Variants in CEACAM19 observed in about 807,000 individuals in gnomAD.
CEACAM19 encodes CEA cell adhesion molecule 19, also known as cell adhesion molecule CEACAM19.
Under a neutral mutation model 37.6 loss-of-function variants are expected in CEACAM19, and 37 were observed. The observed-to-expected ratio is 0.98, with a 90% CI of 0.76 to 1.29. The LOEUF is 1.29. Ranked by LOEUF, CEACAM19 falls within the 50% of genes most tolerant of loss-of-function variation. CEACAM19 has a pLI of 0.00. For missense variants in CEACAM19, 340 were observed against 375.6 expected (o/e 0.91, Z 0.78); for synonymous variants, 140 against 149.8 (o/e 0.93, Z 0.48).
rs1198526031 is a variant in CEACAM19, at chr19:44,678,714, AT to A, written c.576-132del. 20 of 1,254,180 alleles carry A rather than the reference AT, an allele frequency of 1.6e-5. No individual in the cohort carries two copies. In the Admixed American group the frequency reaches 3.6e-4, roughly 23 times the overall value. 77.7% of individuals were successfully genotyped at this position (1,254,180 alleles called of 1,614,324 possible). A position where few individuals can be genotyped will look rare whatever the true frequency, so the allele number is the denominator to read the frequency against. On this transcript the variant is annotated intron_variant, in intron 3 of 7. Coordinates refer to ENST00000358777, the MANE Select transcript of CEACAM19 (RefSeq NM_001127893.3). Reference sequence around the variant, plus strand: ...GCATGAGCCACTGAGCCCAATTACTATTTTTTTACTCAAAACCGCACACACA... The same window carrying A: ...GCATGAGCCACTGAGCCCAATTACTATTTTTTACTCAAAACCGCACACACA...
chr19:44,667,222 C>T (rs372619301), upstream of CEACAM19: 3 of 151,746 alleles, frequency 2.0e-5, no homozygotes, highest in East Asian at 3.9e-4. Context: ...CTCAGACACA[C>T]ACAAAGTGCT....
chr19:44,668,671 ATATAT>A (rs1418530553), upstream of CEACAM19, among the ~76,000 whole-genome samples: 14 of 76,898 alleles, frequency 1.8e-4, no homozygotes, highest in Admixed American at 4.4e-4. Flanking sequence ...AATTATATAC[ATATAT>A]TATATATTAT....
chr19:44,666,649 G>A (rs911180524), upstream of CEACAM19, among the ~76,000 whole-genome samples: 1 of 152,132 alleles, frequency 6.6e-6, no homozygotes, highest in Admixed American at 6.5e-5. Flanking sequence ...CAGCTTGGGC[G>A]ACAGAGTGAG....
At chr19:44,677,082 G>C (rs535102357) in intron 3 of CEACAM19, among the ~76,000 whole-genome samples, 1 of 152,028 alleles carries the variant, frequency 6.6e-6, no homozygotes, top group Admixed American at 6.6e-5. Context: ...TCACTCCCAG[G>C]GGGCCCAGGC....
intron 7 of CEACAM19, chr19:44,683,126 C>T (rs995449992): frequency 1.3e-4 from 41 of 303,970 alleles, no homozygotes; most frequent in Non-Finnish European, 1.0e-4. Context: ...CTTTCTGTTT[C>T]CAGTTTGTTC....
At chr19:44,683,379 C>A in intron 7 of CEACAM19, 58 bp from the exon 8 acceptor site, 1 of 695,986 alleles carries the variant, frequency 1.4e-6, no homozygotes, top group Non-Finnish European at 2.6e-6. Flanking sequence ...CTCTCTGTCT[C>A]CCCAAGACTC....
At chr19:44,682,157 G>A (rs2122153330) in intron 6 of CEACAM19, among the ~76,000 whole-genome samples, 1 of 152,268 alleles carries the variant, frequency 6.6e-6, no homozygotes, top group East Asian at 1.9e-4. Flanking sequence ...GGCTGAGGAG[G>A]GAGGATCACT....
At position 44,671,910 on chromosome 19, in the gene CEACAM19, G is replaced by C. The variant is rs1371857640; in HGVS notation, c.-22G>C. ...CTTAGTGTCCAGCTCGTGGCCCCTT[G>C]GCATTTCCACAAGACGCCAAGATGG... is the stretch of plus-strand genomic sequence containing the variant. On this transcript the variant is annotated 5_prime_UTR_variant, in exon 1 of 8. Coordinates refer to ENST00000358777, the MANE Select transcript of CEACAM19 (RefSeq NM_001127893.3). The C allele has an allele frequency of 1.3e-6, 2 of 1,597,782 alleles. No homozygotes were observed. Among genetic ancestry groups the C allele is most frequent in the Admixed American group, 3.4e-5 (2 of 58,380 alleles).
At chr19:44,667,619 T>TATATAATATATA (rs1491448216), upstream of CEACAM19, among the ~76,000 whole-genome samples, 1 of 97,706 alleles carries the variant, frequency 1.0e-5, no homozygotes, top group Non-Finnish European at 1.9e-5. Flanking sequence ...ATATTATATA[T>TATATAATATATA]TTATAAATAT....
At chr19:44,682,538 G>A (rs116354108) in intron 6 of CEACAM19, 29 bp from the exon 7 acceptor site, 39,522 of 1,575,826 alleles carry the variant, frequency 0.025, 812 homozygotes, top group African/African-American at 0.11. Context: ...GGTGCCGAGC[G>A]CCCACTCACC....
upstream of CEACAM19, among the ~76,000 whole-genome samples, chr19:44,668,660 TA>T (rs1973802726): frequency 1.2e-5 from 1 of 82,678 alleles, no homozygotes; most frequent in African/African-American, 5.1e-5. Context: ...TATAATTATA[TA>T]ATTATATACA....
chr19:44,668,477 T>C (rs1174655119), upstream of CEACAM19, among the ~76,000 whole-genome samples: 2 of 56,680 alleles, frequency 3.5e-5, no homozygotes, highest in Non-Finnish European at 5.6e-5. Flanking sequence ...TATAATATAA[T>C]ATATATATTA....
chr19:44,674,646 A>G (rs2122131331), intron 2 of CEACAM19, among the ~76,000 whole-genome samples: 3 of 151,038 alleles, frequency 2.0e-5, no homozygotes, highest in East Asian at 3.9e-4. Context: ...CAGGCAATCC[A>G]CCCACCTCGG....
intron 7 of CEACAM19, chr19:44,683,176 G>T: frequency 1.4e-5 from 5 of 365,922 alleles, no homozygotes; most frequent in East Asian, 4.2e-5. Flanking sequence ...ACATGTCTTC[G>T]TTTCTCTGCA....
rs1220288288 is a variant in CEACAM19 at position 44,683,439 on chromosome 19, C to T, written c.849C>T (p.Asp283=). The T allele has an allele frequency of 3.9e-6, 6 of 1,550,922 alleles. No individual in the cohort carries two copies. Among genetic ancestry groups the T allele is most frequent in the Non-Finnish European group, 3.5e-6 (4 of 1,142,470 alleles). The change falls in exon 8 of 8, where the codon GAC becomes GAT. Residue 283 remains aspartate, a splice_region_variant and synonymous_variant. Transcript: ENST00000358777. The part of the protein sequence containing the change: ...QAEPENHQYQ[D]LLNPDPAPYC... ...TGTTCTCTCTTCCCCCCAAGCAGGA[C>T]CTGCTAAACCCCGACCCTGCCCCCT...
intron 4 of CEACAM19, 149 bp from the exon 5 acceptor site, chr19:44,680,139 G>A: frequency 1.7e-6 from 1 of 573,746 alleles, no homozygotes; most frequent in Non-Finnish European, 3.1e-6. Flanking sequence ...GAAAAGTCTG[G>A]GATAGTTCAG....
rs770724457 is a variant in CEACAM19 at position 44,672,921 on chromosome 19, C to G, written c.381C>G (p.Asn127Lys). 6.5e-7 allele frequency: 1 copy of G among 1,535,294 alleles called. No homozygotes were observed. Among genetic ancestry groups the G allele is most frequent in the Non-Finnish European group, 8.8e-7 (1 of 1,136,924 alleles). ...CCTACCAAGTAGCCATTACCATCAA[C>G]TCTGAATGGACTATGAAGGCCAAGA... ...SGTYQVAITI[N>K]SEWTMKAKTE... Residue 127 changes from asparagine to lysine, a missense_variant, in exon 2 of 8, where the codon AAC (asparagine) becomes AAG (lysine). Transcript: ENST00000358777.
intron 4 of CEACAM19, 151 bp downstream of exon 4, chr19:44,679,087 G>T: frequency 8.4e-7 from 1 of 1,193,210 alleles, no homozygotes. Flanking sequence ...CGACCTCCCT[G>T]GTTCAAACTA....
At chr19:44,673,549 C>T (rs925415635) in intron 2 of CEACAM19, among the ~76,000 whole-genome samples, 4 of 152,194 alleles carry the variant, frequency 2.6e-5, no homozygotes, top group Admixed American at 2.6e-4. Context: ...GTACCAGTAG[C>T]AGCTTCCTAG....
Sources: allele counts gnomAD v4.1 joint callset (sites outside exome capture counted in the v4.1 genomes callset), GRCh38; gene constraint gnomAD v4.1.1; transcripts MANE v1.5; gene names NCBI Gene and HGNC (gene_info 2026-07-23, HGNC 2026-07-21).